The following TUBGCP3 variants were observed in gnomAD, a reference collection of about 807,000 sequenced individuals.
TUBGCP3 encodes gamma-tubulin complex component 3.
In TUBGCP3, 50 loss-of-function variants were observed where a neutral mutation model predicts 123.1. The observed-to-expected ratio is 0.41, with a 90% confidence interval of 0.32 to 0.51. The LOEUF (loss-of-function observed/expected upper bound fraction) is 0.51. TUBGCP3 is among the 20% of genes least tolerant of loss of function. The pLI is 0.36. For missense variants in TUBGCP3, 882 were observed against 1,127.0 expected (o/e 0.78, Z 3.11); for synonymous variants, 405 against 413.9 (o/e 0.98, Z 0.26).
In TUBGCP3 at chr13:112,511,239, C is replaced by T. The variant is rs1175409956; in HGVS notation, c.2086+5201G>A. On this transcript the variant is annotated intron_variant, in intron 17 of 21. Transcript: ENST00000261965. The surrounding 1 kb of genome is among the most constrained non-coding windows in gnomAD (Gnocchi z 4.1). Reference sequence around the variant, plus strand: ...CCTCTGAACCCACCGCTCAGATGGGCCCCTCACAGGGCACTGCTGGCCCGC... The same window carrying T: ...CCTCTGAACCCACCGCTCAGATGGGTCCCTCACAGGGCACTGCTGGCCCGC... 2.0e-5 allele frequency among the ~76,000 whole-genome samples: 3 copies of T among 152,204 alleles called. No individual in the cohort carries two copies. The highest frequency in any genetic ancestry group is 6.5e-5 in the Admixed American group (1 of 15,294).
At chr13:112,543,312 A>C (rs1376869585) in intron 11 of TUBGCP3, among the ~76,000 whole-genome samples, 1 of 152,252 alleles carries the variant, frequency 6.6e-6, no homozygotes, top group Non-Finnish European at 1.5e-5. Flanking sequence ...TGAGGTAACC[A>C]TTAGTAAAAT....
intron 5 of TUBGCP3, 51 bp downstream of exon 5, chr13:112,558,145 C>A (rs372416470): frequency 2.6e-6 from 4 of 1,538,760 alleles, no homozygotes; most frequent in Admixed American, 3.9e-5. Flanking sequence ...AGCCTGCAGG[C>A]GTCTCTGTTT....
At chr13:112,498,968 G>C (rs768873694) in intron 20 of TUBGCP3, 77 bp downstream of exon 20, 3 of 1,614,162 alleles carry the variant, frequency 1.9e-6, no homozygotes, top group Non-Finnish European at 2.5e-6. Flanking sequence ...AAAGTTATTT[G>C]TTGGCATTTG....
chr13:112,604,296 C>T, the TUBGCP3 span: 1 of 152,142 alleles, frequency 6.6e-6, no homozygotes, highest in Admixed American at 6.5e-5. Flanking sequence ...TTCACCAACA[C>T]ACTTGTTTGT....
the TUBGCP3 span, among the ~76,000 whole-genome samples, chr13:112,595,399 A>G: frequency 6.6e-6 from 1 of 152,080 alleles, no homozygotes; most frequent in African/African-American, 2.4e-5. Context: ...GGGTTTCACC[A>G]TGTTAGCCAG....
chr13:112,534,542 G>T (rs953186154), intron 11 of TUBGCP3, among the ~76,000 whole-genome samples: 1 of 152,032 alleles, frequency 6.6e-6, no homozygotes, highest in Admixed American at 6.5e-5. Context: ...GGGAAACTCC[G>T]TCTCAAAAAC....
chr13:112,556,487 CAATATAT>C (rs1880058014), intron 5 of TUBGCP3, among the ~76,000 whole-genome samples: 1 of 152,306 alleles, frequency 6.6e-6, no homozygotes, highest in African/African-American at 2.4e-5. Context: ...TGCTACCTTA[CAATATAT>C]ATTTCTTACC....
chr13:112,576,540 C>T (rs1177912422), intron 1 of TUBGCP3, among the ~76,000 whole-genome samples: 1 of 152,040 alleles, frequency 6.6e-6, no homozygotes, highest in Non-Finnish European at 1.5e-5. Flanking sequence ...GGTGAGCTGA[C>T]GAACATATTG....
Position 112,519,860 on chromosome 13 carries a change from G to T in TUBGCP3, c.1881+26C>A. ...AGTGGGTCCTCGGTGCCGGGGCGGC[G>T]TTCCCAACACGCAGAGCCGCAGTAC... is the stretch of plus-strand genomic sequence containing the variant. On this transcript the variant is annotated intron_variant, in intron 15 of 21. Transcript: ENST00000261965. This position sits in a 1 kb window ranked among gnomAD's most constrained non-coding sequence, Gnocchi z 6.2. 2 of 1,604,616 alleles carry T rather than the reference G, an allele frequency of 1.2e-6. No individual in the cohort carries two copies. Among genetic ancestry groups the T allele is most frequent in the Middle Eastern group, 1.7e-4 (1 of 5,960 alleles).
intron 11 of TUBGCP3, among the ~76,000 whole-genome samples, chr13:112,538,629 A>G (rs1878257074): frequency 6.6e-6 from 1 of 152,144 alleles, no homozygotes; most frequent in Non-Finnish European, 1.5e-5. Flanking sequence ...CAGAATTTCT[A>G]TTTGGCTCTT....
At position 112,498,758 on chromosome 13, in the gene TUBGCP3, A is replaced by G; in HGVS notation, c.2448+287T>C. 3.9e-6 allele frequency: 6 copies of G among 1,526,516 alleles called. No individual in the cohort carries two copies. In the South Asian group the frequency reaches 7.5e-5, roughly 19 times the overall value. The allele number at this position is 1,526,516 out of a possible 1,614,324, so 94.6% of individuals were successfully genotyped here. A position where few individuals can be genotyped will look rare whatever the true frequency, so the allele number is the denominator to read the frequency against. ...GCAGCTGTGGAGATTCCGACGGGTGACATCGGCATTGTGGCACTCAGTAAT... is the reference window on the plus strand; with the variant it reads ...GCAGCTGTGGAGATTCCGACGGGTGGCATCGGCATTGTGGCACTCAGTAAT... On this transcript the variant is annotated intron_variant, in intron 20 of 21. Coordinates refer to ENST00000261965, the MANE Select transcript of TUBGCP3 (RefSeq NM_006322.6).
chr13:112,501,035 C>T (rs2138987962), intron 19 of TUBGCP3, among the ~76,000 whole-genome samples: 1 of 152,308 alleles, frequency 6.6e-6, no homozygotes, highest in South Asian at 2.1e-4. Context: ...CTTTCACTTA[C>T]TACAATGCAC....
chr13:112,517,433 A>C (rs1413220576), intron 16 of TUBGCP3, among the ~76,000 whole-genome samples: 3 of 152,192 alleles, frequency 2.0e-5, no homozygotes, highest in Non-Finnish European at 4.4e-5. Context: ...GAAATAATTA[A>C]TTATCTCTTA....
At chr13:112,544,175 C>T (rs996882516) in intron 11 of TUBGCP3, among the ~76,000 whole-genome samples, 5 of 152,164 alleles carry the variant, frequency 3.3e-5, no homozygotes, top group African/African-American at 7.2e-5. Flanking sequence ...CCCCACAGGC[C>T]GGGCGCAGTG....
At chr13:112,566,578 A>G (rs1594211489) in intron 2 of TUBGCP3, among the ~76,000 whole-genome samples, 1 of 152,250 alleles carries the variant, frequency 6.6e-6, no homozygotes, top group South Asian at 2.1e-4. Context: ...TGTAAAGTGC[A>G]TTACACAAAA....
At chr13:112,529,576 G>A (rs373906736) in intron 11 of TUBGCP3, among the ~76,000 whole-genome samples, 10 of 152,126 alleles carry the variant, frequency 6.6e-5, no homozygotes, top group East Asian at 1.9e-4. Context: ...CCGCTCCTGC[G>A]TCCTTCACCC....
intron 3 of TUBGCP3, among the ~76,000 whole-genome samples, chr13:112,563,707 CCA>C (rs1566581817): frequency 2.4e-4 from 25 of 103,352 alleles, no homozygotes; most frequent in Admixed American, 3.2e-4. Context: ...ACTAAAAATA[CCA>C]AAAAAAAAAA....
At chr13:112,527,584 T>A in intron 11 of TUBGCP3, 100 bp from the exon 12 acceptor site, 1 of 783,882 alleles carries the variant, frequency 1.3e-6, no homozygotes, top group Non-Finnish European at 2.2e-6. Context: ...AAAGCCAAGT[T>A]CTCCAGACAC....
rs895407409 is a variant in TUBGCP3, at chr13:112,549,955, A to G, written c.967-1779T>C. 2.8e-5 allele frequency among the ~76,000 whole-genome samples: 4 copies of G among 144,898 alleles called. No homozygotes were observed. The Admixed American group carries it at 2.9e-4, about 11-fold the overall frequency. Reference sequence around the variant, plus strand: ...CAGTGAGCCAAGATCACAACACTGCACTTCAGCCTGGGCGACAGGGTGAGA... The same window carrying G: ...CAGTGAGCCAAGATCACAACACTGCGCTTCAGCCTGGGCGACAGGGTGAGA... On this transcript the variant is annotated intron_variant, in intron 8 of 21. Transcript: ENST00000261965.
Sources: gnomAD v4.1 joint callset for allele counts (sites outside exome capture counted in the v4.1 genomes callset) on GRCh38, gnomAD v4.1.1 for gene constraint, Gnocchi (gnomAD v3.1) non-coding constraint, MANE v1.5 for transcripts, NCBI Gene and HGNC (gene_info 2026-07-23, HGNC 2026-07-21) for gene names.